ST3GAL5: variants seen among roughly 807,000 people sequenced by gnomAD.
The protein encoded by ST3GAL5 is lactosylceramide alpha-2,3-sialyltransferase.
Under a neutral mutation model 46.1 loss-of-function variants are expected in ST3GAL5, and 25 were observed. The ratio of observed to expected loss-of-function variants is 0.54; its 90% CI spans 0.40 to 0.76. The LOEUF (loss-of-function observed/expected upper bound fraction) is 0.76, where lower values mean the gene tolerates loss of function less well. ST3GAL5 is among the 30% of genes least tolerant of loss of function. ST3GAL5 has a pLI of 0.00. For synonymous variants in ST3GAL5, 182 were observed against 192.7 expected, an observed-to-expected ratio of 0.94 and a Z score of 0.46; for missense variants, 431 against 521.2, an observed-to-expected ratio of 0.83 and a Z score of 1.69.
rs965511675 is a variant in ST3GAL5 at position 85,837,497 on chromosome 2, C to T, written c.*2647G>A. 1.3e-5 allele frequency: 2 copies of T among 152,150 alleles called. No homozygotes were observed. Among genetic ancestry groups the T allele is most frequent in the African/African-American group, 2.4e-5 (1 of 41,456 alleles). The allele number at this position is 152,150 out of a possible 1,614,324, so 9.4% of individuals were successfully genotyped here. A position where few individuals can be genotyped will look rare whatever the true frequency, so the allele number is the denominator to read the frequency against. On this transcript the variant is annotated 3_prime_UTR_variant, in exon 7 of 7. Coordinates refer to ENST00000638572, the MANE Select transcript of ST3GAL5 (RefSeq NM_003896.4). ...CAAACATACAGTTTGATAAAAGAAACAAGACCTAGTGTTTGATAGGTCAGT... is the reference window on the plus strand; with the variant it reads ...CAAACATACAGTTTGATAAAAGAAATAAGACCTAGTGTTTGATAGGTCAGT...
chr2:85,861,645 T>TAAAAAAAAAA (rs3046643), intron 2 of ST3GAL5, among the ~76,000 whole-genome samples: 14 of 123,780 alleles, frequency 1.1e-4, no homozygotes, highest in East Asian at 6.9e-4. Context: ...TGTCAGTCCT[T>TAAAAAAAAAA]AAAAAAAAAA....
intron 5 of ST3GAL5, 131 bp downstream of exon 5, chr2:85,846,243 GATC>G: frequency 1.2e-6 from 1 of 822,420 alleles, no homozygotes; most frequent in Non-Finnish European, 2.0e-6. Flanking sequence ...CAAAGAGAGT[GATC>G]ATCATTTGAA....
chr2:85,847,911 C>G lies in ST3GAL5; in HGVS notation c.612G>C (p.Leu204=), dbSNP rs747593852. The change falls in exon 4 of 7, where the codon CTG becomes CTC. Residue 204 remains leucine, a synonymous_variant. Coordinates refer to ENST00000638572, the MANE Select transcript of ST3GAL5 (RefSeq NM_003896.4). ...GGGTGTGGCCCAGTTCTAATCCGTG[C>G]AGTATTCCTCCGCTTCCAATAACCA... ...RCVVIGSGGI[L]HGLELGHTLN... is the part of the protein sequence containing the mutation. The G allele has an allele frequency of 6.2e-7, 1 of 1,614,122 alleles. No homozygotes were observed. Among genetic ancestry groups the G allele is most frequent in the Non-Finnish European group, 8.5e-7 (1 of 1,180,034 alleles).
intron 6 of ST3GAL5, among the ~76,000 whole-genome samples, chr2:85,841,158 T>A (rs886389789): frequency 2.0e-5 from 3 of 151,834 alleles, no homozygotes; most frequent in Non-Finnish European, 4.4e-5. Context: ...GCCCATCCCT[T>A]CCTGAGAACA....
At chr2:85,870,162 T>C in intron 1 of ST3GAL5, 1 of 468,790 alleles carries the variant, frequency 2.1e-6, no homozygotes, top group East Asian at 7.0e-5. Context: ...ATAAGTTTTT[T>C]ACTTTTGAAT....
intron 1 of ST3GAL5, among the ~76,000 whole-genome samples, chr2:85,871,090 T>C (rs942133353): frequency 6.6e-6 from 1 of 150,804 alleles, no homozygotes; most frequent in Non-Finnish European, 1.5e-5. Flanking sequence ...CAGGCTAGAG[T>C]GCAGTGGTGC....
intron 3 of ST3GAL5, chr2:85,852,841 G>A (rs1393408029): frequency 1.2e-5 from 16 of 1,294,762 alleles, no homozygotes; most frequent in South Asian, 2.5e-5. Flanking sequence ...TCCCTAGGTC[G>A]AGGCTTCAGT....
In ST3GAL5 at chr2:85,863,485, G is replaced by A. The variant is rs763936246; in HGVS notation, c.83C>T (p.Ala28Val). 6.2e-7 allele frequency: 1 copy of A among 1,614,150 alleles called. No individual in the cohort carries two copies. Among genetic ancestry groups the A allele is most frequent in the South Asian group, 1.1e-5 (1 of 91,082 alleles). ...TEAAAAPAGR[A>V]MPSEYTYVKL... ...CACATAGGTGTACTCACTTGGCATT[G>A]CTGTGAAGAGAGGCGAAGAGGGCAG... The change falls in exon 2 of 7, where the codon GCA (alanine) becomes GTA (valine). Residue 28 changes from alanine (A) to valine (V), a missense_variant and splice_region_variant. Transcript: ENST00000638572.
chr2:85,881,988 C>G (rs1687207846), intron 1 of ST3GAL5, among the ~76,000 whole-genome samples: 1 of 152,218 alleles, frequency 6.6e-6, no homozygotes, highest in East Asian at 1.9e-4. Flanking sequence ...GGCCCAGAGT[C>G]CCCATGCTGT....
intron 3 of ST3GAL5, chr2:85,851,260 T>C (rs1415170837): frequency 9.1e-7 from 1 of 1,099,092 alleles, no homozygotes. Context: ...TTCTCAGTAG[T>C]CACCTTCTGA....
intron 3 of ST3GAL5, chr2:85,855,694 T>C (rs1049224600): frequency 6.6e-6 from 1 of 152,224 alleles, no homozygotes; most frequent in African/African-American, 2.4e-5. Flanking sequence ...GGAAATCACA[T>C]ACCAGATATA....
chr2:85,847,862 T>C lies in ST3GAL5; in HGVS notation c.661A>G (p.Arg221Gly). Residue 221 changes from arginine to glycine, a missense_variant and splice_region_variant, in exon 4 of 7, where the codon AGG becomes GGG. Transcript: ENST00000638572. ...AACAAACAAAAAAAACCAATGTACC[T>C]TATCACAACATCGAACTGGTTCAGG... Reference protein sequence around the residue: ...HTLNQFDVVIRLNSAPVEGYS... With the variant: ...HTLNQFDVVIGLNSAPVEGYS... 1 of 1,613,732 alleles carries C rather than the reference T, an allele frequency of 6.2e-7. No individual in the cohort carries two copies. Among genetic ancestry groups the C allele is most frequent in the Non-Finnish European group, 8.5e-7 (1 of 1,179,988 alleles).
At chr2:85,848,849 A>G (rs2103965309) in intron 3 of ST3GAL5, 1 of 157,314 alleles carries the variant, frequency 6.4e-6, no homozygotes, top group South Asian at 1.9e-4. Context: ...GTTTTTTTTA[A>G]CCACGATTAA....
At chr2:85,850,110 A>G (rs1683313001) in intron 3 of ST3GAL5, 3 of 152,148 alleles carry the variant, frequency 2.0e-5, no homozygotes, top group Admixed American at 2.0e-4. Context: ...TTAATATATT[A>G]TAGCTTTGAT....
Position 85,851,680 on chromosome 2 carries a change from A to G in ST3GAL5, c.319-3476T>C, listed in dbSNP as rs775845813. 7 of 1,289,444 alleles carry G rather than the reference A, an allele frequency of 5.4e-6. No individual in the cohort carries two copies. The African/African-American group carries it at 6.1e-5, about 11-fold the overall frequency. The allele number at this position is 1,289,444 out of a possible 1,614,324, so 79.9% of individuals were successfully genotyped here. A position where few individuals can be genotyped will look rare whatever the true frequency, so the allele number is the denominator to read the frequency against. On this transcript the variant is annotated intron_variant, in intron 3 of 6. Transcript: ENST00000638572. ...TCACAGCTCAGAAGAAAGTGCCTCA[A>G]GGCGAGTGCCGCACCTTCAGGAGCT...
chr2:85,887,287 A>G (rs937263368), intron 1 of ST3GAL5: 1 of 152,234 alleles, frequency 6.6e-6, no homozygotes, highest in African/African-American at 2.4e-5. Flanking sequence ...AACATGCAAC[A>G]ATTTACAATT....
chr2:85,860,803 A>C, intron 3 of ST3GAL5: 1 of 268,262 alleles, frequency 3.7e-6, no homozygotes, highest in Non-Finnish European at 7.2e-6. Flanking sequence ...CACTGCACTC[A>C]ACCCTGGGTG....
At chr2:85,873,561 C>T (rs759793197) in intron 1 of ST3GAL5, among the ~76,000 whole-genome samples, 2 of 151,962 alleles carry the variant, frequency 1.3e-5, no homozygotes, top group African/African-American at 4.8e-5. Context: ...TCAGATGAGG[C>T]GAGAGTCAAG....
At chr2:85,880,095 A>G (rs1229822711) in intron 1 of ST3GAL5, among the ~76,000 whole-genome samples, 1 of 152,240 alleles carries the variant, frequency 6.6e-6, no homozygotes, top group Non-Finnish European at 1.5e-5. Flanking sequence ...TTATAGGAAC[A>G]GAAGAACCAG....
Sources: gnomAD v4.1 joint callset for allele counts (sites outside exome capture counted in the v4.1 genomes callset) on GRCh38, gnomAD v4.1.1 for gene constraint, MANE v1.5 for transcripts, NCBI Gene and HGNC (gene_info 2026-07-23, HGNC 2026-07-21) for gene names.